L3MBTL4: variants seen among roughly 807,000 people sequenced by gnomAD.
The protein encoded by L3MBTL4 is lethal(3)malignant brain tumor-like protein 4.
A neutral mutation model predicts 84.5 loss-of-function variants in L3MBTL4; 70 were observed. The ratio of observed to expected loss-of-function variants is 0.83; its 90% CI spans 0.68 to 1.01. L3MBTL4 has a LOEUF of 1.01. L3MBTL4 is among the 50% of genes least tolerant of loss of function. The probability of loss-of-function intolerance (pLI) is 0.00; values close to 1 mark genes in which losing one functional copy is unlikely to be tolerated. For synonymous variants in L3MBTL4, 274 were observed against 259.8 expected (o/e 1.05, Z -0.52); for missense variants, 715 against 754.8 (o/e 0.95, Z 0.62).
At chr18:6,081,357 T>C (rs1349803357) in intron 15 of L3MBTL4, 2 of 154,614 alleles carry the variant, frequency 1.3e-5, no homozygotes, top group South Asian at 2.0e-4. Flanking sequence ...CTCAAACAAC[T>C]GTATAAAGTA....
intron 13 of L3MBTL4, among the ~76,000 whole-genome samples, chr18:6,157,144 TA>T (rs1258228062): frequency 1.3e-5 from 2 of 152,186 alleles, no homozygotes; most frequent in African/African-American, 4.8e-5. Flanking sequence ...GCTACCTTTT[TA>T]AAAAACACAA....
chr18:6,128,437 T>TA (rs889764819), intron 14 of L3MBTL4, among the ~76,000 whole-genome samples: 1 of 151,654 alleles, frequency 6.6e-6, no homozygotes, highest in East Asian at 1.9e-4. Flanking sequence ...AGGGATAAAT[T>TA]AAAAAAAGCC....
chr18:6,245,836 C>T (rs548933785), intron 5 of L3MBTL4, among the ~76,000 whole-genome samples: 2 of 152,248 alleles, frequency 1.3e-5, no homozygotes, highest in African/African-American at 4.8e-5. Flanking sequence ...AATGATCCAC[C>T]CTCCTGAGCC....
At chr18:6,069,279 T>G (rs2145957554) in intron 16 of L3MBTL4, among the ~76,000 whole-genome samples, 1 of 152,256 alleles carries the variant, frequency 6.6e-6, no homozygotes, top group African/African-American at 2.4e-5. Flanking sequence ...GGTCACATAG[T>G]CATTTTCTCC....
chr18:6,127,028 T>A (rs1274192415), intron 14 of L3MBTL4, among the ~76,000 whole-genome samples: 3 of 152,230 alleles, frequency 2.0e-5, no homozygotes, highest in African/African-American at 7.2e-5. Flanking sequence ...AAGTTTTAAC[T>A]GAAGGTGACA....
chr18:6,161,739 C>T (rs925277659), intron 13 of L3MBTL4, among the ~76,000 whole-genome samples: 4 of 152,080 alleles, frequency 2.6e-5, no homozygotes, highest in Non-Finnish European at 5.9e-5. Flanking sequence ...AACACTGCCC[C>T]GAGGTTCCTT....
chr18:6,260,308 G>C (rs967401147), intron 5 of L3MBTL4: 1 of 151,936 alleles, frequency 6.6e-6, no homozygotes, highest in Non-Finnish European at 1.5e-5. Flanking sequence ...AGTTTTTTTG[G>C]TTCTGTGAAA....
chr18:6,221,680 A>C (rs1411461606), intron 10 of L3MBTL4, among the ~76,000 whole-genome samples: 2 of 152,198 alleles, frequency 1.3e-5, no homozygotes, highest in Non-Finnish European at 2.9e-5. Flanking sequence ...AGAAAGCATC[A>C]ATAGAATAAT....
chr18:6,117,601 C>T (rs1163133591), intron 14 of L3MBTL4, among the ~76,000 whole-genome samples: 2 of 152,188 alleles, frequency 1.3e-5, no homozygotes, highest in African/African-American at 4.8e-5. Flanking sequence ...GAATCTGCTA[C>T]TTACTAGGAA....
At chr18:6,233,085 T>C (rs1424907442) in intron 10 of L3MBTL4, among the ~76,000 whole-genome samples, 1 of 152,072 alleles carries the variant, frequency 6.6e-6, no homozygotes, top group Non-Finnish European at 1.5e-5. Flanking sequence ...ATTATCTCAA[T>C]AGATGCAGAA....
rs187960924 is a variant in L3MBTL4 at position 6,193,202 on chromosome 18, C to T, written c.981+19947G>A. Among the ~76,000 whole-genome samples the T allele has an allele frequency of 2.6e-5, 4 of 151,916 alleles. No homozygotes were observed. In the East Asian group the frequency reaches 5.9e-4, roughly 22 times the overall value. ...GGCAAGGGACTGAGAAAGCAGGGTG[C>T]TTGAAGGATCGCCTGCATGTGTACT... On this transcript the variant is annotated intron_variant, in intron 12 of 18. Coordinates refer to ENST00000317931, the MANE Select transcript of L3MBTL4 (RefSeq NM_001330559.2).
chr18:6,138,315 C>T lies in L3MBTL4; in HGVS notation c.1097-19G>A, dbSNP rs2060092636. Reference sequence around the variant, plus strand: ...TTCGTTCCTTCAGGAAGTAAAAGAACATGCCTTGAAAACACCCTCATTAAA... The same window carrying T: ...TTCGTTCCTTCAGGAAGTAAAAGAATATGCCTTGAAAACACCCTCATTAAA... On this transcript the variant is annotated intron_variant, in intron 13 of 18. Coordinates refer to ENST00000317931, the MANE Select transcript of L3MBTL4 (RefSeq NM_001330559.2). 1 of 1,515,510 alleles carries T rather than the reference C, an allele frequency of 6.6e-7. No individual in the cohort carries two copies. Among genetic ancestry groups the T allele is most frequent in the Non-Finnish European group, 9.1e-7 (1 of 1,096,140 alleles). The allele number at this position is 1,515,510 out of a possible 1,614,324, so 93.9% of individuals were successfully genotyped here. A position where few individuals can be genotyped will look rare whatever the true frequency, so the allele number is the denominator to read the frequency against.
intron 14 of L3MBTL4, among the ~76,000 whole-genome samples, chr18:6,116,846 A>C (rs552352332): frequency 6.6e-6 from 1 of 152,378 alleles, no homozygotes; most frequent in South Asian, 2.1e-4. Context: ...AAATACTTCC[A>C]GCCTTACAAA....
At chr18:6,025,432 A>C (rs751797784) in intron 16 of L3MBTL4, among the ~76,000 whole-genome samples, 3 of 152,194 alleles carry the variant, frequency 2.0e-5, no homozygotes, top group Non-Finnish European at 4.4e-5. Context: ...AACTTCAGAC[A>C]TGCCTACGCC....
chr18:6,071,709 GA>G (rs2057620032), intron 16 of L3MBTL4, among the ~76,000 whole-genome samples: 3 of 59,292 alleles, frequency 5.1e-5, no homozygotes, highest in Admixed American at 1.6e-4. Flanking sequence ...AAGAAAGAAA[GA>G]AAGAAGGAAA....
chr18:6,222,574 C>A (rs573278220), intron 10 of L3MBTL4, among the ~76,000 whole-genome samples: 1 of 152,260 alleles, frequency 6.6e-6, no homozygotes, highest in South Asian at 2.1e-4. Flanking sequence ...CTCTCTGTCT[C>A]TCAATACTTA....
rs145473316 is a variant in L3MBTL4 at position 6,072,462 on chromosome 18, T to C, written c.1444+8419A>G. Among the ~76,000 whole-genome samples, 578 of 152,224 alleles carry C rather than the reference T, an allele frequency of 3.8e-3. 3 individuals carry two copies. The highest frequency in any genetic ancestry group is 0.014 in the African/African-American group (563 of 41,554). On this transcript the variant is annotated intron_variant, in intron 16 of 18. Coordinates refer to ENST00000317931, the MANE Select transcript of L3MBTL4 (RefSeq NM_001330559.2). ...GAAAATATTTTGAATTAAATTATTA[T>C]GAAATCTGACAAATCAAAACTCATG... is the stretch of plus-strand genomic sequence containing the variant.
At chr18:6,224,911 C>T (rs1348337356) in intron 10 of L3MBTL4, among the ~76,000 whole-genome samples, 2 of 148,892 alleles carry the variant, frequency 1.3e-5, no homozygotes, top group Non-Finnish European at 3.0e-5. Context: ...GATACAAAAA[C>T]AAATAAAAAA....
intron 16 of L3MBTL4, among the ~76,000 whole-genome samples, chr18:6,072,823 T>A (rs1387869545): frequency 7.7e-6 from 1 of 129,164 alleles, no homozygotes; most frequent in African/African-American, 3.0e-5. Flanking sequence ...GCCACTGCAC[T>A]CCAGCACTCT....
Sources: allele counts gnomAD v4.1 joint callset (sites outside exome capture counted in the v4.1 genomes callset), GRCh38; gene constraint gnomAD v4.1.1; transcripts MANE v1.5; gene names NCBI Gene and HGNC (gene_info 2026-07-23, HGNC 2026-07-21).